The following DLG2 variants were observed in gnomAD, a reference collection of about 807,000 sequenced individuals.
DLG2 encodes the protein discs large MAGUK scaffold protein 2, also known as disks large homolog 2.
DLG2 carries 45 observed loss-of-function variants against 132.5 expected under a neutral mutation model. That is an observed-to-expected ratio of 0.34 (90% CI 0.27 to 0.44). The LOEUF is 0.44. Among genes scored for constraint, DLG2 ranks in the 20% least tolerant of loss-of-function variants. The probability of loss-of-function intolerance (pLI) is 1.00; values close to 1 mark genes in which losing one functional copy is unlikely to be tolerated. For synonymous variants in DLG2, 424 were observed against 419.6 expected (o/e 1.01, Z -0.13); for missense variants, 1,045 against 1,196.9 (o/e 0.87, Z 1.87).
At chr11:85,547,683 C>G (rs2076419189) in intron 3 of DLG2, among the ~76,000 whole-genome samples, 1 of 152,100 alleles carries the variant, frequency 6.6e-6, no homozygotes, top group Non-Finnish European at 1.5e-5. Context: ...TTGTTCGTTT[C>G]TTTTCACTCT....
rs992407762 is a variant in DLG2 at position 84,227,333 on chromosome 11, T to C, written c.573+23905A>G. Among the ~76,000 whole-genome samples, 3 of 151,640 alleles carry C rather than the reference T, an allele frequency of 2.0e-5. No individual in the cohort carries two copies. The South Asian group carries it at 6.2e-4, about 32-fold the overall frequency. On this transcript the variant is annotated intron_variant, in intron 8 of 27. Transcript: ENST00000376104. Reference sequence around the variant, plus strand: ...GAGAATTGCAAAAGGAAATTCTGTGTGATCAGAGGGAATAAGGCCTAGGAA... The same window carrying C: ...GAGAATTGCAAAAGGAAATTCTGTGCGATCAGAGGGAATAAGGCCTAGGAA...
At chr11:83,716,655 G>C (rs527721500) in intron 18 of DLG2, among the ~76,000 whole-genome samples, 1 of 152,332 alleles carries the variant, frequency 6.6e-6, no homozygotes, top group South Asian at 2.1e-4. Flanking sequence ...ACCAAAGATC[G>C]AGAGGTCAAG....
chr11:83,939,150 A>C (rs1300236805), intron 14 of DLG2, among the ~76,000 whole-genome samples: 1 of 152,152 alleles, frequency 6.6e-6, no homozygotes. Context: ...TATTTGTTGG[A>C]CTTAGTACAC....
intron 18 of DLG2, among the ~76,000 whole-genome samples, chr11:83,699,182 C>T (rs1317574428): frequency 6.6e-6 from 1 of 151,730 alleles, no homozygotes; most frequent in African/African-American, 2.4e-5. Context: ...CCCAATATAT[C>T]ACATGAGTTA....
chr11:84,535,429 A>T lies in DLG2; in HGVS notation c.358-698T>A, dbSNP rs147786077. ...CTATATTGTATGGCTCCCTGAGGGG[A>T]CAGAGGTAAATACTTCTTCTCTCTT... On this transcript the variant is annotated intron_variant, in intron 6 of 27. Transcript: ENST00000376104. Among the ~76,000 whole-genome samples, 1,301 of 152,306 alleles carry T rather than the reference A, an allele frequency of 8.5e-3. 9 individuals are homozygous for T. The highest frequency in any genetic ancestry group is 0.013 in the Non-Finnish European group (906 of 68,034).
At position 84,980,906 on chromosome 11, in the gene DLG2, G is replaced by A. The variant is rs59900676; in HGVS notation, c.357+130755C>T. ...AGCTATCTCTGACTCTCCTGGCTTG[G>A]CCTGTTGAGCTTTCCCAGAGCTGGT... On this transcript the variant is annotated intron_variant, in intron 6 of 27. Transcript: ENST00000376104. Among the ~76,000 whole-genome samples, 1,366 of 152,138 alleles carry A rather than the reference G, an allele frequency of 9.0e-3. 21 individuals carry two copies. Among genetic ancestry groups the A allele is most frequent in the African/African-American group, 0.03 (1,236 of 41,492 alleles).
intron 21 of DLG2, among the ~76,000 whole-genome samples, chr11:83,506,839 C>A (rs1403913136): frequency 6.6e-6 from 1 of 152,194 alleles, no homozygotes; most frequent in Non-Finnish European, 1.5e-5. Context: ...CCATAGACAT[C>A]TGATGAGACT....
intron 7 of DLG2, among the ~76,000 whole-genome samples, chr11:84,251,781 C>G (rs1015664454): frequency 3.3e-5 from 5 of 151,710 alleles, no homozygotes; most frequent in African/African-American, 1.2e-4. Flanking sequence ...GCTACGACTA[C>G]AGGCACACAC....
intron 17 of DLG2, chr11:83,791,592 C>G: frequency 2.3e-6 from 1 of 433,762 alleles, no homozygotes; most frequent in South Asian, 2.2e-5. Flanking sequence ...GACTAGTTAC[C>G]TAATCCAACG....
At chr11:84,332,149 TA>T (rs766780945) in intron 7 of DLG2, among the ~76,000 whole-genome samples, 7 of 151,996 alleles carry the variant, frequency 4.6e-5, no homozygotes, top group Non-Finnish European at 8.8e-5. Flanking sequence ...AATTATCTGA[TA>T]TTTTTTCCTC....
At chr11:84,350,204 C>T (rs1266180151) in intron 7 of DLG2, among the ~76,000 whole-genome samples, 2 of 145,422 alleles carry the variant, frequency 1.4e-5, no homozygotes, top group East Asian at 4.2e-4. Flanking sequence ...AAAAAAAAAT[C>T]CAGGCTAAAA....
intron 12 of DLG2, among the ~76,000 whole-genome samples, chr11:83,969,437 AAAAT>A (rs2090907039): frequency 6.6e-6 from 1 of 152,246 alleles, no homozygotes; most frequent in African/African-American, 2.4e-5. Context: ...GACCAGTCAA[AAAAT>A]AAATAAGTAA....
intron 4 of DLG2, among the ~76,000 whole-genome samples, chr11:85,234,323 A>G (rs938229799): frequency 6.6e-6 from 1 of 151,942 alleles, no homozygotes; most frequent in African/African-American, 2.4e-5. Context: ...ACCACAAAAC[A>G]TAAAGGCACT....
chr11:84,665,528 C>G (rs1470114185), intron 6 of DLG2, among the ~76,000 whole-genome samples: 1 of 152,110 alleles, frequency 6.6e-6, no homozygotes, highest in Non-Finnish European at 1.5e-5. Context: ...AATTCCCCTT[C>G]AGTCCTTTCT....
chr11:83,846,350 A>G (rs761862833), intron 16 of DLG2, among the ~76,000 whole-genome samples: 2 of 152,246 alleles, frequency 1.3e-5, no homozygotes, highest in Non-Finnish European at 2.9e-5. Context: ...TTCACACTTT[A>G]TACTTGGATA....
intron 6 of DLG2, among the ~76,000 whole-genome samples, chr11:84,814,685 C>T (rs1466529021): frequency 6.6e-6 from 1 of 152,090 alleles, no homozygotes; most frequent in Non-Finnish European, 1.5e-5. Flanking sequence ...GAAGGATCTA[C>T]TTCCCCACTT....
At chr11:85,051,324 A>AT (rs903959943) in intron 6 of DLG2, among the ~76,000 whole-genome samples, 5 of 152,156 alleles carry the variant, frequency 3.3e-5, no homozygotes, top group African/African-American at 1.2e-4. Context: ...GACCATTGGC[A>AT]TTCCCCCAAA....
intron 3 of DLG2, among the ~76,000 whole-genome samples, chr11:85,401,316 C>T (rs1465718591): frequency 5.3e-5 from 8 of 152,034 alleles, no homozygotes; most frequent in African/African-American, 1.9e-4. Flanking sequence ...TCTCAATAAA[C>T]TAGGTGTTGA....
At chr11:85,149,308 G>T in intron 5 of DLG2, among the ~76,000 whole-genome samples, 1 of 152,126 alleles carries the variant, frequency 6.6e-6, no homozygotes, top group East Asian at 1.9e-4. Flanking sequence ...ATTTTGACGG[G>T]AATAGCATTG....
Sources: gnomAD v4.1 joint callset for allele counts (sites outside exome capture counted in the v4.1 genomes callset) on GRCh38, gnomAD v4.1.1 for gene constraint, MANE v1.5 for transcripts, NCBI Gene and HGNC (gene_info 2026-07-23, HGNC 2026-07-21) for gene names.